The following ARFGEF3 variants were observed in gnomAD, a reference collection of about 807,000 sequenced individuals.
The protein encoded by ARFGEF3 is brefeldin A-inhibited guanine nucleotide-exchange protein 3.
ARFGEF3 carries 96 observed loss-of-function variants against 221.7 expected under a neutral mutation model. The observed-to-expected ratio is 0.43, with a 90% CI of 0.37 to 0.51. The LOEUF is 0.51. Among genes scored for constraint, ARFGEF3 ranks in the 20% least tolerant of loss-of-function variants. The pLI, the probability that ARFGEF3 is intolerant of heterozygous loss-of-function variation, is 0.00. For synonymous variants in ARFGEF3, 1,145 were observed against 1,126.8 expected, an observed-to-expected ratio of 1.02 and a Z score of -0.32; for missense variants, 2,410 against 2,789.9, an observed-to-expected ratio of 0.86 and a Z score of 3.07.
At chr6:138,314,003 C>T in intron 26 of ARFGEF3, 64 bp downstream of exon 26, 2 of 1,532,906 alleles carry the variant, frequency 1.3e-6, no homozygotes, top group Non-Finnish European at 1.8e-6. Context: ...AAGCTTAAGT[C>T]ATAAATGAAG....
intron 12 of ARFGEF3, among the ~76,000 whole-genome samples, chr6:138,265,157 C>A (rs1395379461): frequency 6.6e-6 from 1 of 152,124 alleles, no homozygotes; most frequent in Non-Finnish European, 1.5e-5. Flanking sequence ...CCCGCCTTGG[C>A]CTCCCAAAGT....
At chr6:138,176,770 C>T (rs942580350) in intron 2 of ARFGEF3, among the ~76,000 whole-genome samples, 8 of 151,936 alleles carry the variant, frequency 5.3e-5, no homozygotes, top group Non-Finnish European at 1.0e-4. Flanking sequence ...GTTTAAGACT[C>T]CTTTGAGCAT....
At chr6:138,234,873 C>G (rs1442360076) in intron 5 of ARFGEF3, among the ~76,000 whole-genome samples, 1 of 152,122 alleles carries the variant, frequency 6.6e-6, no homozygotes, top group African/African-American at 2.4e-5. Context: ...AAAGCAGTGC[C>G]AATAACCCCA....
chr6:138,252,506 G>A (rs770612879), intron 8 of ARFGEF3, among the ~76,000 whole-genome samples: 26 of 152,208 alleles, frequency 1.7e-4, no homozygotes, highest in Non-Finnish European at 3.7e-4. Context: ...CAATTTGGCA[G>A]TTGTGTGGAT....
chr6:138,172,328 T>C (rs939818926), intron 2 of ARFGEF3, among the ~76,000 whole-genome samples: 1 of 152,204 alleles, frequency 6.6e-6, no homozygotes, highest in African/African-American at 2.4e-5. Context: ...TTAAAACTGA[T>C]TTGCTTCAAA....
At chr6:138,255,843 A>G in intron 10 of ARFGEF3, 74 bp downstream of exon 10, 1 of 1,275,592 alleles carries the variant, frequency 7.8e-7, no homozygotes, top group Non-Finnish European at 1.1e-6. Context: ...AGAAGCGCTC[A>G]GAAAAGGCTT....
chr6:138,289,940 A>C lies in ARFGEF3; in HGVS notation c.3019A>C (p.Asn1007His), dbSNP rs1364753057. The change falls in exon 18 of 34, where the codon AAC becomes CAC. Residue 1007 changes from asparagine to histidine, a missense_variant. By Grantham distance (68) the Asn-to-His change is moderately conservative (BLOSUM62 1). This residue lies in a region of ARFGEF3 where 594 missense variants were observed against 734.3 expected (regional missense o/e 0.81). Coordinates refer to ENST00000251691, the MANE Select transcript of ARFGEF3 (RefSeq NM_020340.5). ...CGTAGGCCTGGAGATGGGAAGCCAC[A>C]ACCCGGACTGCTGGCCACACGTGTT... is the stretch of plus-strand genomic sequence containing the variant. ...LSVGLEMGSH[N>H]PDCWPHVFRV... The C allele has an allele frequency of 6.2e-7, 1 of 1,613,546 alleles. No homozygotes were observed.
intron 21 of ARFGEF3, 140 bp downstream of exon 21, chr6:138,297,095 A>AC (rs1779539421): frequency 1.1e-6 from 1 of 903,868 alleles, no homozygotes; most frequent in Admixed American, 2.8e-5. Flanking sequence ...CCTGGTCACA[A>AC]ACATCACTGT....
chr6:138,305,133 A>G (rs918871713), intron 22 of ARFGEF3, among the ~76,000 whole-genome samples: 1 of 151,942 alleles, frequency 6.6e-6, no homozygotes, highest in Non-Finnish European at 1.5e-5. Flanking sequence ...TGGTGGATCT[A>G]TAAACTAAGG....
chr6:138,195,467 T>A lies in ARFGEF3; in HGVS notation c.138-11575T>A, dbSNP rs548808559. Among the ~76,000 whole-genome samples, 12 of 152,310 alleles carry A rather than the reference T, an allele frequency of 7.9e-5. 1 individual carries two copies. In the East Asian group the frequency reaches 1.3e-3, roughly 17 times the overall value. On this transcript the variant is annotated intron_variant, in intron 2 of 33. Transcript: ENST00000251691. ...CCCTCTCCTCTGCCTATGCTGTATG[T>A]GTGTGCAAGGTTTTATTCAAGAGGA...
rs757279376 is a variant in ARFGEF3 at position 138,209,933 on chromosome 6, T to G, written c.243T>G (p.Phe81Leu). 1 of 1,613,832 alleles carries G rather than the reference T, an allele frequency of 6.2e-7. No individual in the cohort carries two copies. Among genetic ancestry groups the G allele is most frequent in the Admixed American group, 1.7e-5 (1 of 60,008 alleles). ...GMQKLLSEER[F>L]VSMETDSDEK... ...AGAAGCTTCTGTCGGAAGAGAGGTTTGTATCCATGGAAACAGATTCTGATG... is the reference window on the plus strand; with the variant it reads ...AGAAGCTTCTGTCGGAAGAGAGGTTGGTATCCATGGAAACAGATTCTGATG... The change falls in exon 4 of 34, where the codon TTT (phenylalanine) becomes TTG (leucine). Residue 81 changes from phenylalanine to leucine, a missense_variant. Coordinates refer to ENST00000251691, the MANE Select transcript of ARFGEF3 (RefSeq NM_020340.5).
At chr6:138,257,115 C>T (rs118130437) in intron 10 of ARFGEF3, among the ~76,000 whole-genome samples, 2,129 of 152,272 alleles carry the variant, frequency 0.014, 21 homozygotes, top group Middle Eastern at 0.02. Flanking sequence ...CTTCTTTTCC[C>T]CACCAGAGCT....
intron 33 of ARFGEF3, 132 bp downstream of exon 33, chr6:138,335,320 C>T (rs1248550841): frequency 2.6e-5 from 23 of 899,434 alleles, no homozygotes; most frequent in South Asian, 2.5e-4. Context: ...CGATTTCCCT[C>T]CAAAGTCAGA....
chr6:138,285,245 CA>C (rs200922747), intron 14 of ARFGEF3, among the ~76,000 whole-genome samples: 9,066 of 152,186 alleles, frequency 0.06, 567 homozygotes, highest in South Asian at 0.2. Flanking sequence ...AGGCAGATCA[CA>C]AGGTCAGGAG....
At position 138,262,691 on chromosome 6, in the gene ARFGEF3, C is replaced by T; in HGVS notation, c.1218-10C>T. 6.3e-7 allele frequency: 1 copy of T among 1,579,098 alleles called. No individual in the cohort carries two copies. Among genetic ancestry groups the T allele is most frequent in the Non-Finnish European group, 8.6e-7 (1 of 1,157,730 alleles). ...CATTTATTCCATTTTCTCTTTTGAA[C>T]ACTGTTTAGCATCATGGATGGCATG... On this transcript the variant is annotated splice_polypyrimidine_tract_variant and intron_variant, in intron 11 of 33. Transcript: ENST00000251691.
intron 6 of ARFGEF3, 65 bp downstream of exon 6, chr6:138,238,696 G>C (rs1778340044): frequency 1.9e-6 from 3 of 1,550,272 alleles, no homozygotes; most frequent in Non-Finnish European, 1.8e-6. Context: ...CATGCCCCGG[G>C]GCCCCCACTG....
intron 31 of ARFGEF3, among the ~76,000 whole-genome samples, chr6:138,325,619 C>T (rs766352696): frequency 2.0e-5 from 3 of 152,180 alleles, no homozygotes; most frequent in Non-Finnish European, 4.4e-5. Context: ...ACAGAGAAAC[C>T]AAGAAAGTGG....
chr6:138,242,082 G>A (rs1778402823), intron 6 of ARFGEF3, among the ~76,000 whole-genome samples: 1 of 152,222 alleles, frequency 6.6e-6, no homozygotes, highest in Admixed American at 6.5e-5. Flanking sequence ...TGTTGTGGAA[G>A]CAGCTGAGCT....
chr6:138,219,400 A>G (rs953733593), intron 4 of ARFGEF3, among the ~76,000 whole-genome samples: 2 of 152,166 alleles, frequency 1.3e-5, no homozygotes, highest in African/African-American at 4.8e-5. Context: ...GGTGTTAAAC[A>G]TGGAAGGTGA....
Sources: allele counts gnomAD v4.1 joint callset (sites outside exome capture counted in the v4.1 genomes callset), GRCh38; gene constraint gnomAD v4.1.1; regional missense constraint gnomAD v4.1.1; transcripts MANE v1.5; gene names NCBI Gene and HGNC (gene_info 2026-07-23, HGNC 2026-07-21).